The following SNX9 variants were observed in gnomAD, a reference collection of about 807,000 sequenced individuals.
The protein encoded by SNX9 is sorting nexin-9.
In SNX9, 44 loss-of-function variants were observed where a neutral mutation model predicts 89.4. The ratio of observed to expected loss-of-function variants is 0.49; its 90% CI spans 0.39 to 0.63. The LOEUF (loss-of-function observed/expected upper bound fraction) is 0.63, where lower values mean the gene tolerates loss of function less well. Among genes scored for constraint, SNX9 ranks in the 30% least tolerant of loss-of-function variants. The pLI is 0.00. For missense variants in SNX9, 578 were observed against 736.1 expected, an observed-to-expected ratio of 0.79 and a Z score of 2.49; for synonymous variants, 236 against 247.8, an observed-to-expected ratio of 0.95 and a Z score of 0.45.
chr6:157,913,664 C>A lies in SNX9; in HGVS notation c.949+3639C>A, dbSNP rs113259572. On this transcript the variant is annotated intron_variant, in intron 9 of 17. Coordinates refer to ENST00000392185, the MANE Select transcript of SNX9 (RefSeq NM_016224.5). ...AGGTTCCCTCGTGCTGCCCATCCCCCTGGTCCTAACCATGGCAACAGCTGA... is the reference window on the plus strand; with the variant it reads ...AGGTTCCCTCGTGCTGCCCATCCCCATGGTCCTAACCATGGCAACAGCTGA... Among the ~76,000 whole-genome samples, 458 of 152,332 alleles carry A rather than the reference C, an allele frequency of 3.0e-3. 4 individuals carry two copies. Among genetic ancestry groups the A allele is most frequent in the African/African-American group, 9.7e-3 (404 of 41,566 alleles).
At chr6:157,937,303 A>G (rs1783945667) in intron 14 of SNX9, 131 bp from the exon 15 acceptor site, 1 of 520,920 alleles carries the variant, frequency 1.9e-6, no homozygotes, top group Non-Finnish European at 3.4e-6. Context: ...AGAAAAAGTG[A>G]TCTGAATGCT....
intron 10 of SNX9, among the ~76,000 whole-genome samples, chr6:157,925,918 C>G (rs1245739977): frequency 6.6e-6 from 1 of 150,890 alleles, no homozygotes; most frequent in Non-Finnish European, 1.5e-5. Context: ...CATTTGCTGT[C>G]TGGTGAGGGC....
intron 10 of SNX9, among the ~76,000 whole-genome samples, chr6:157,925,335 G>C (rs916958623): frequency 1.3e-5 from 2 of 152,128 alleles, no homozygotes; most frequent in African/African-American, 2.4e-5. Flanking sequence ...GGCTAAAACT[G>C]ACCATACCAA....
At chr6:157,857,183 A>G (rs1212945600) in intron 1 of SNX9, among the ~76,000 whole-genome samples, 1 of 152,158 alleles carries the variant, frequency 6.6e-6, no homozygotes, top group East Asian at 1.9e-4. Flanking sequence ...CATTATCCCT[A>G]TTGATGCTTG....
intron 1 of SNX9, among the ~76,000 whole-genome samples, chr6:157,848,811 G>A (rs1781853503): frequency 1.3e-5 from 2 of 152,290 alleles, no homozygotes; most frequent in Non-Finnish European, 1.5e-5. Context: ...TTATAAGGCC[G>A]TCCATGGGAG....
intron 4 of SNX9, among the ~76,000 whole-genome samples, chr6:157,882,556 G>A (rs2746219): frequency 0.2 from 30,228 of 152,174 alleles, 3,829 homozygotes; most frequent in Admixed American, 0.33. Flanking sequence ...AGGATTCATC[G>A]TTCTGGATGC....
intron 17 of SNX9, 138 bp downstream of exon 17, chr6:157,941,112 ATT>A: frequency 1.4e-6 from 1 of 707,032 alleles, no homozygotes; most frequent in Non-Finnish European, 2.3e-6. Flanking sequence ...TTTGGACAGG[ATT>A]TTTTTAATCT....
rs1471901357 is a variant in SNX9, at chr6:157,838,998, T to C, written c.12+15552T>C. ...AGGTAAGCTGTTGTTTGATGTGTTT[T>C]GTTTACCTGGTTTGCAATACCCAGA... On this transcript the variant is annotated intron_variant, in intron 1 of 17. Coordinates refer to ENST00000392185, the MANE Select transcript of SNX9 (RefSeq NM_016224.5). 2.0e-5 allele frequency among the ~76,000 whole-genome samples: 3 copies of C among 152,342 alleles called. No individual in the cohort carries two copies. The East Asian group carries it at 5.8e-4, about 29-fold the overall frequency.
intron 9 of SNX9, among the ~76,000 whole-genome samples, chr6:157,915,224 AG>A (rs1306558631): frequency 1.3e-5 from 2 of 152,210 alleles, no homozygotes; most frequent in Non-Finnish European, 2.9e-5. Context: ...TAAATCAAGT[AG>A]CGTGAATCCT....
In SNX9 at chr6:157,854,953, TAA is replaced by T. The variant is rs538405265; in HGVS notation, c.13-12579_13-12578del. Among the ~76,000 whole-genome samples the T allele has an allele frequency of 9.4e-3, 1,218 of 129,294 alleles. 10 individuals are homozygous for T. The highest frequency in any genetic ancestry group is 0.023 in the African/African-American group (848 of 36,292). 84.8% of individuals were successfully genotyped at this position (129,294 alleles called of 152,430 possible). ...TTTTGACGGGATAATAGGTTCATGT[TAA>T]AAAAAAAAAAAAAACCCCACAACAC... On this transcript the variant is annotated intron_variant, in intron 1 of 17. Coordinates refer to ENST00000392185, the MANE Select transcript of SNX9 (RefSeq NM_016224.5).
intron 6 of SNX9, 135 bp from the exon 7 acceptor site, chr6:157,905,993 A>G (rs1247279368): frequency 1.6e-6 from 1 of 641,486 alleles, no homozygotes; most frequent in Non-Finnish European, 2.6e-6. Context: ...ATTAGGTTTC[A>G]TTTACCACAG....
At chr6:157,888,737 G>C (rs1158007047) in intron 4 of SNX9, among the ~76,000 whole-genome samples, 2 of 152,262 alleles carry the variant, frequency 1.3e-5, no homozygotes, top group Non-Finnish European at 2.9e-5. Context: ...CCCAAGTGAA[G>C]TGATTATGTC....
chr6:157,865,352 A>AC (rs1213843140), intron 1 of SNX9, among the ~76,000 whole-genome samples: 1 of 152,008 alleles, frequency 6.6e-6, no homozygotes, highest in African/African-American at 2.4e-5. Flanking sequence ...AAAAAAAAAA[A>AC]AAAAAAACAC....
intron 6 of SNX9, among the ~76,000 whole-genome samples, chr6:157,905,392 C>A (rs1202455256): frequency 6.6e-6 from 1 of 152,154 alleles, no homozygotes; most frequent in African/African-American, 2.4e-5. Flanking sequence ...AATTCTAAAA[C>A]CCAAATTAAT....
intron 1 of SNX9, among the ~76,000 whole-genome samples, chr6:157,844,503 G>C (rs1315152308): frequency 1.3e-5 from 2 of 151,230 alleles, no homozygotes; most frequent in African/African-American, 4.9e-5. Flanking sequence ...CTGATCTTAG[G>C]AGCAGTTTAG....
chr6:157,872,672 AG>A (rs1782437614), intron 2 of SNX9: 1 of 154,198 alleles, frequency 6.5e-6, no homozygotes, highest in Non-Finnish European at 1.4e-5. Flanking sequence ...TGAAGTGTGC[AG>A]AAGCCCTTGA....
rs1230683598 is a variant in SNX9 at position 157,844,593 on chromosome 6, T to TTG, written c.12+21148_12+21149insGT. ...AATCTTGTGGCTAATCCTTGTTTTT[T>TTG]TTTTTTGTTTTTTTTTTTGAGACAG... On this transcript the variant is annotated intron_variant, in intron 1 of 17. Coordinates refer to ENST00000392185, the MANE Select transcript of SNX9 (RefSeq NM_016224.5). 5.7e-4 allele frequency among the ~76,000 whole-genome samples: 78 copies of TTG among 137,274 alleles called. 1 individual carries two copies. The East Asian group carries it at 5.9e-3, about 10-fold the overall frequency. 90.1% of individuals were successfully genotyped at this position (137,274 alleles called of 152,430 possible).
intron 2 of SNX9, 148 bp downstream of exon 2, chr6:157,867,781 A>C: frequency 1.5e-6 from 1 of 659,688 alleles, no homozygotes; most frequent in East Asian, 2.9e-5. Context: ...ATTCAAACCC[A>C]CATGATTTTT....
rs17455449 is a variant in SNX9 at position 157,944,586 on chromosome 6, A to G, written c.*1748A>G. On this transcript the variant is annotated 3_prime_UTR_variant, in exon 18 of 18. Transcript: ENST00000392185. ...TTGTTGTTGTTGTTAAGTACTTTTT[A>G]TTCCAGCTGCTGAAAATGGTCCAGG... 2.6e-5 allele frequency: 4 copies of G among 152,350 alleles called. No individual in the cohort carries two copies. Among genetic ancestry groups the G allele is most frequent in the Non-Finnish European group, 5.9e-5 (4 of 68,040 alleles). 9.4% of individuals were successfully genotyped at this position (152,350 alleles called of 1,614,324 possible). A position where few individuals can be genotyped will look rare whatever the true frequency, so the allele number is the denominator to read the frequency against.
Sources: allele counts gnomAD v4.1 joint callset (sites outside exome capture counted in the v4.1 genomes callset), GRCh38; gene constraint gnomAD v4.1.1; transcripts MANE v1.5; gene names NCBI Gene and HGNC (gene_info 2026-07-23, HGNC 2026-07-21).